The following PEPD variants were observed in gnomAD, a reference collection of about 807,000 sequenced individuals.
The protein encoded by PEPD is xaa-Pro dipeptidase.
In PEPD, 53 loss-of-function variants were observed where a neutral mutation model predicts 60.7. The ratio of observed to expected loss-of-function variants is 0.87; its 90% CI spans 0.70 to 1.10. The LOEUF (loss-of-function observed/expected upper bound fraction) is 1.10, where lower values mean the gene tolerates loss of function less well. Among genes scored for constraint, PEPD ranks in the 50% least tolerant of loss-of-function variants. The probability of loss-of-function intolerance (pLI) is 0.00; values close to 1 mark genes in which losing one functional copy is unlikely to be tolerated. For synonymous variants in PEPD, 267 were observed against 284.1 expected, an observed-to-expected ratio of 0.94 and a Z score of 0.60; for missense variants, 711 against 711.9, an observed-to-expected ratio of 1.00 and a Z score of 0.01.
intron 9 of PEPD, among the ~76,000 whole-genome samples, chr19:33,458,019 T>C (rs998671220): frequency 2.0e-5 from 3 of 152,056 alleles, no homozygotes; most frequent in Non-Finnish European, 4.4e-5. Flanking sequence ...GGTATGTCAA[T>C]GGGTGTGGTA....
At chr19:33,419,189 G>T (rs1389557780) in intron 9 of PEPD, among the ~76,000 whole-genome samples, 2 of 152,118 alleles carry the variant, frequency 1.3e-5, no homozygotes, top group Non-Finnish European at 2.9e-5. Flanking sequence ...GGCTTGCATG[G>T]ACCATCTCCA....
At chr19:33,401,288 A>C (rs1222170266) in intron 12 of PEPD, among the ~76,000 whole-genome samples, 1 of 152,238 alleles carries the variant, frequency 6.6e-6, no homozygotes, top group Non-Finnish European at 1.5e-5. Context: ...ACAGATGTGG[A>C]AACGGCCACC....
intron 3 of PEPD, among the ~76,000 whole-genome samples, chr19:33,510,159 CAAACTGCACTTCT>C (rs1380926518): frequency 6.6e-6 from 1 of 152,252 alleles, no homozygotes; most frequent in Non-Finnish European, 1.5e-5. Flanking sequence ...TCAGGATTAA[CAAACTGCACTTCT>C]AAACAAACAA....
intron 4 of PEPD, 44 bp downstream of exon 4, chr19:33,500,894 T>C (rs2096810352): frequency 8.8e-7 from 1 of 1,142,684 alleles, no homozygotes; most frequent in Non-Finnish European, 1.3e-6. Context: ...GTGGAAGGCA[T>C]GCTGGAAGCC....
At chr19:33,429,445 T>G (rs1969225132) in intron 9 of PEPD, among the ~76,000 whole-genome samples, 1 of 152,248 alleles carries the variant, frequency 6.6e-6, no homozygotes, top group South Asian at 2.1e-4. Context: ...TGTTTATATA[T>G]TATTCTTAAA....
intron 6 of PEPD, among the ~76,000 whole-genome samples, chr19:33,489,550 A>G (rs1371795675): frequency 6.6e-6 from 1 of 152,024 alleles, no homozygotes; most frequent in East Asian, 1.9e-4. Context: ...AATCACTTGA[A>G]TCCGGGAGAT....
chr19:33,432,381 C>G (rs2145397975), intron 9 of PEPD, among the ~76,000 whole-genome samples: 1 of 152,356 alleles, frequency 6.6e-6, no homozygotes, highest in African/African-American at 2.4e-5. Flanking sequence ...CTTGTCTCCT[C>G]TGGCTAAACA....
chr19:33,489,868 A>C, intron 6 of PEPD, 128 bp downstream of exon 6: 1 of 657,278 alleles, frequency 1.5e-6, no homozygotes, highest in East Asian at 2.8e-5. Context: ...ACATTTCCTC[A>C]AAATGCCCAA....
At chr19:33,414,963 C>T (rs867085113) in intron 9 of PEPD, among the ~76,000 whole-genome samples, 3 of 152,324 alleles carry the variant, frequency 2.0e-5, no homozygotes, top group Middle Eastern at 3.4e-3. Flanking sequence ...AGGCCGCTTC[C>T]ACCTCGCTCC....
chr19:33,405,549 C>G (rs922668907), intron 11 of PEPD, among the ~76,000 whole-genome samples: 1 of 152,236 alleles, frequency 6.6e-6, no homozygotes, highest in African/African-American at 2.4e-5. Flanking sequence ...CAGTGTGAGA[C>G]CGAAAGGGAG....
chr19:33,488,294 G>C (rs1446316144), intron 6 of PEPD, among the ~76,000 whole-genome samples: 1 of 152,138 alleles, frequency 6.6e-6, no homozygotes, highest in African/African-American at 2.4e-5. Context: ...CCAGGCTCCA[G>C]GTGAGCATGA....
chr19:33,423,368 T>G (rs1969075162), intron 9 of PEPD, among the ~76,000 whole-genome samples: 1 of 152,250 alleles, frequency 6.6e-6, no homozygotes, highest in South Asian at 2.1e-4. Flanking sequence ...ACGCATGGCC[T>G]TGTGCCTCTT....
rs201115319 is a variant in PEPD at position 33,493,370 on chromosome 19, G to A, written c.394-33C>T. On this transcript the variant is annotated intron_variant, in intron 4 of 14. Transcript: ENST00000244137. The stretch of plus-strand genomic sequence containing the variant: ...GTCGGAAAGAAAAACCCACTTTAGA[G>A]GCACCACTAAGCCTAATGAAGATGA... 4 of 1,499,084 alleles carry A rather than the reference G, an allele frequency of 2.7e-6. No homozygotes were observed. In the Admixed American group the frequency reaches 5.0e-5, roughly 19 times the overall value. 92.9% of individuals were successfully genotyped at this position (1,499,084 alleles called of 1,614,324 possible).
At chr19:33,498,301 C>T (rs1018177469) in intron 4 of PEPD, among the ~76,000 whole-genome samples, 1 of 152,250 alleles carries the variant, frequency 6.6e-6, no homozygotes, top group Middle Eastern at 3.4e-3. Flanking sequence ...ACTGAAGCCT[C>T]GACAATCTGC....
At chr19:33,519,530 T>C (rs1057419635) in intron 1 of PEPD, among the ~76,000 whole-genome samples, 27 of 152,226 alleles carry the variant, frequency 1.8e-4, no homozygotes, top group Admixed American at 9.2e-4. Context: ...GGCTAGGAGC[T>C]GAGCTTTGCG....
At chr19:33,491,115 G>C (rs991464277) in intron 5 of PEPD, among the ~76,000 whole-genome samples, 1 of 152,122 alleles carries the variant, frequency 6.6e-6, no homozygotes, top group African/African-American at 2.4e-5. Flanking sequence ...GCAAAAAAAA[G>C]GGGCCAAGTG....
chr19:33,485,291 C>T (rs983668190), intron 6 of PEPD, among the ~76,000 whole-genome samples: 4 of 151,958 alleles, frequency 2.6e-5, no homozygotes, highest in African/African-American at 7.3e-5. Flanking sequence ...GTCAGGAGCT[C>T]GAGACCAGCC....
At chr19:33,461,878 G>A (rs536621840) in intron 9 of PEPD, among the ~76,000 whole-genome samples, 4 of 152,202 alleles carry the variant, frequency 2.6e-5, no homozygotes, top group African/African-American at 4.8e-5. Flanking sequence ...TGTGTTACAC[G>A]GCCCCTCCCA....
chr19:33,395,252 G>A (rs1236179977), intron 12 of PEPD: 2 of 152,340 alleles, frequency 1.3e-5, no homozygotes, highest in Non-Finnish European at 2.9e-5. Flanking sequence ...AGAATTCACG[G>A]AACACACAGC....
Sources: gnomAD v4.1 joint callset for allele counts (sites outside exome capture counted in the v4.1 genomes callset) on GRCh38, gnomAD v4.1.1 for gene constraint, MANE v1.5 for transcripts, NCBI Gene and HGNC (gene_info 2026-07-23, HGNC 2026-07-21) for gene names.